IMMP2L: variants seen among roughly 807,000 people sequenced by gnomAD.
IMMP2L encodes the protein mitochondrial inner membrane protease subunit 2.
IMMP2L carries 18 observed loss-of-function variants against 19.3 expected under a neutral mutation model. That is an observed-to-expected ratio of 0.93 (90% CI 0.64 to 1.38). The LOEUF (loss-of-function observed/expected upper bound fraction) is 1.38. IMMP2L is among the 40% of genes most tolerant of loss of function. IMMP2L has a pLI of 0.00. For synonymous variants in IMMP2L, 76 were observed against 73.0 expected (o/e 1.04, Z -0.21); for missense variants, 233 against 218.2 (o/e 1.07, Z -0.43).
chr7:111,364,207 C>T (rs1179942355), intron 3 of IMMP2L, among the ~76,000 whole-genome samples: 1 of 152,034 alleles, frequency 6.6e-6, no homozygotes, highest in Non-Finnish European at 1.5e-5. Context: ...TTGAATAAAA[C>T]AAAACGTGAT....
intron 3 of IMMP2L, among the ~76,000 whole-genome samples, chr7:111,055,440 C>G (rs1012543186): frequency 1.3e-5 from 2 of 152,336 alleles, no homozygotes; most frequent in East Asian, 3.9e-4. Flanking sequence ...GCTGCCCTTA[C>G]TTCCTCTTTG....
Position 111,323,464 on chromosome 7 carries a change from T to A in IMMP2L, c.239+163774A>T, listed in dbSNP as rs569782949. Among the ~76,000 whole-genome samples the A allele has an allele frequency of 4.6e-5, 7 of 152,184 alleles. No individual in the cohort carries two copies. The East Asian group carries it at 1.4e-3, about 29-fold the overall frequency. ...AGATACCATCTCACACCAGTTAGAA[T>A]GACAATCATTAAAAAGTCAGGAAAC... On this transcript the variant is annotated intron_variant, in intron 3 of 5. Transcript: ENST00000405709.
intron 3 of IMMP2L, among the ~76,000 whole-genome samples, chr7:111,361,512 C>T (rs985711619): frequency 6.6e-6 from 1 of 152,056 alleles, no homozygotes; most frequent in African/African-American, 2.4e-5. Context: ...ATTCTTAAAG[C>T]AAGCAATTAA....
chr7:111,421,267 CTTTTTT>C (rs1227013257), intron 3 of IMMP2L, among the ~76,000 whole-genome samples: 15 of 122,916 alleles, frequency 1.2e-4, no homozygotes, highest in Non-Finnish European at 1.9e-4. Flanking sequence ...TTGTTTTTTT[CTTTTTT>C]TTTTTTTTTT....
chr7:111,362,637 C>A (rs550442446), intron 3 of IMMP2L, among the ~76,000 whole-genome samples: 66 of 152,246 alleles, frequency 4.3e-4, no homozygotes, highest in African/African-American at 1.6e-3. Flanking sequence ...AACTCAATTA[C>A]ATCTCCCTTA....
intron 5 of IMMP2L, among the ~76,000 whole-genome samples, chr7:110,729,446 A>G (rs989396386): frequency 1.3e-5 from 2 of 152,142 alleles, no homozygotes; most frequent in Non-Finnish European, 2.9e-5. Context: ...AGCATGGGGG[A>G]AACTGCCCCC....
intron 3 of IMMP2L, among the ~76,000 whole-genome samples, chr7:111,176,889 T>A (rs1435186310): frequency 6.6e-6 from 1 of 152,040 alleles, no homozygotes. Context: ...ATTTACTTAA[T>A]CTAGTTTATT....
Position 111,171,720 on chromosome 7 carries a change from G to T in IMMP2L, c.240-208155C>A, listed in dbSNP as rs532188702. Reference sequence around the variant, plus strand: ...GGATTTGCTTAGAACACATCTGAGGGTGCTCCTTAGACAAGAAGGAATGTG... The same window carrying T: ...GGATTTGCTTAGAACACATCTGAGGTTGCTCCTTAGACAAGAAGGAATGTG... On this transcript the variant is annotated intron_variant, in intron 3 of 5. Transcript: ENST00000405709. 1.1e-4 allele frequency among the ~76,000 whole-genome samples: 17 copies of T among 151,516 alleles called. No individual in the cohort carries two copies. In the South Asian group the frequency reaches 3.3e-3, roughly 30 times the overall value.
intron 3 of IMMP2L, among the ~76,000 whole-genome samples, chr7:111,400,685 G>A (rs1055839215): frequency 6.6e-6 from 1 of 151,808 alleles, no homozygotes; most frequent in African/African-American, 2.4e-5. Flanking sequence ...GGCTTATTCA[G>A]AAGATATCGG....
At chr7:111,065,584 C>A (rs1277329829) in intron 3 of IMMP2L, among the ~76,000 whole-genome samples, 1 of 152,108 alleles carries the variant, frequency 6.6e-6, no homozygotes, top group South Asian at 2.1e-4. Flanking sequence ...GGATGGGCAC[C>A]ATCTAATCAG....
At chr7:111,267,847 A>G (rs986430526) in intron 3 of IMMP2L, among the ~76,000 whole-genome samples, 6 of 152,040 alleles carry the variant, frequency 3.9e-5, no homozygotes, top group African/African-American at 1.2e-4. Context: ...TCATTCCTTC[A>G]TGTCTATGAG....
intron 3 of IMMP2L, among the ~76,000 whole-genome samples, chr7:111,293,190 G>A (rs1821290743): frequency 6.6e-6 from 1 of 151,934 alleles, no homozygotes; most frequent in Non-Finnish European, 1.5e-5. Context: ...TATTGATTGA[G>A]CATTAGACCA....
intron 3 of IMMP2L, among the ~76,000 whole-genome samples, chr7:111,397,054 C>T (rs914301572): frequency 6.6e-6 from 1 of 151,764 alleles, no homozygotes; most frequent in African/African-American, 2.4e-5. Flanking sequence ...CGCCACTGCA[C>T]TCCAGCCTGG....
chr7:111,354,228 G>C lies in IMMP2L; in HGVS notation c.239+133010C>G, dbSNP rs147148400. On this transcript the variant is annotated intron_variant, in intron 3 of 5. Transcript: ENST00000405709. ...AATAGTTAAAAATATGACCAAATAA[G>C]ATTTAATCCAGGAATGTAAGACAGG... is the stretch of plus-strand genomic sequence containing the variant. Among the ~76,000 whole-genome samples, 340 of 151,944 alleles carry C rather than the reference G, an allele frequency of 2.2e-3. 3 individuals carry two copies. Among genetic ancestry groups the C allele is most frequent in the African/African-American group, 7.8e-3 (322 of 41,504 alleles).
chr7:111,229,980 T>C (rs1346356621), intron 3 of IMMP2L, among the ~76,000 whole-genome samples: 2 of 151,998 alleles, frequency 1.3e-5, no homozygotes, highest in Non-Finnish European at 2.9e-5. Context: ...CTGGACAGTG[T>C]GGTATGGGCT....
chr7:111,379,447 T>G (rs1359519748), intron 3 of IMMP2L, among the ~76,000 whole-genome samples: 2 of 151,746 alleles, frequency 1.3e-5, no homozygotes. Context: ...GATGTTTACA[T>G]GGTGAAATGA....
intron 3 of IMMP2L, among the ~76,000 whole-genome samples, chr7:111,239,154 A>T (rs933584055): frequency 3.9e-5 from 6 of 151,900 alleles, no homozygotes; most frequent in Admixed American, 6.6e-5. Context: ...AATTTGAATA[A>T]TGAGTTCAAA....
At chr7:111,057,636 C>T (rs1477726492) in intron 3 of IMMP2L, among the ~76,000 whole-genome samples, 4 of 152,182 alleles carry the variant, frequency 2.6e-5, no homozygotes, top group Non-Finnish European at 5.9e-5. Flanking sequence ...TCACACCTAT[C>T]AGTGACACTA....
At chr7:111,286,802 T>C (rs1482047048) in intron 3 of IMMP2L, among the ~76,000 whole-genome samples, 4 of 152,152 alleles carry the variant, frequency 2.6e-5, no homozygotes, top group African/African-American at 9.6e-5. Flanking sequence ...AAAATGGTCA[T>C]GGATCCTCTT....
Sources: gnomAD v4.1 joint callset for allele counts (sites outside exome capture counted in the v4.1 genomes callset) on GRCh38, gnomAD v4.1.1 for gene constraint, MANE v1.5 for transcripts, NCBI Gene and HGNC (gene_info 2026-07-23, HGNC 2026-07-21) for gene names.